The following UST variants were observed in gnomAD, a reference collection of about 807,000 sequenced individuals.
UST encodes chondroitin sulfate 2-O-sulfotransferase.
Under a neutral mutation model 45.6 loss-of-function variants are expected in UST, and 21 were observed. The ratio of observed to expected loss-of-function variants is 0.46; its 90% confidence interval spans 0.33 to 0.66. The LOEUF is 0.66. Ranked by LOEUF, UST falls within the 30% of genes least tolerant of loss-of-function variation. UST has a pLI of 0.02. For synonymous variants in UST, 215 were observed against 200.6 expected, an observed-to-expected ratio of 1.07 and a Z score of -0.61; for missense variants, 463 against 512.4, an observed-to-expected ratio of 0.90 and a Z score of 0.93.
chr6:149,039,433 T>G (rs1228723988), intron 7 of UST, among the ~76,000 whole-genome samples: 3 of 151,720 alleles, frequency 2.0e-5, no homozygotes, highest in Non-Finnish European at 2.9e-5. Context: ...TCCATGTTGG[T>G]CAGGCTGGTC....
At chr6:148,901,229 C>T (rs1337865326) in intron 2 of UST, among the ~76,000 whole-genome samples, 2 of 152,164 alleles carry the variant, frequency 1.3e-5, no homozygotes, top group African/African-American at 4.8e-5. Context: ...TGAAATACTG[C>T]ATTTCTGAAA....
chr6:149,051,675 G>A lies in UST; in HGVS notation c.938-22158G>A, dbSNP rs768697004. Among the ~76,000 whole-genome samples, 39 of 152,312 alleles carry A rather than the reference G, an allele frequency of 2.6e-4. 1 individual carries two copies. The highest frequency in any genetic ancestry group is 3.9e-4 in the Admixed American group (6 of 15,292). ...CTCAGCAGGCTATGGTTTCCCCTTT[G>A]TATCTCCACTTTGTATCTGACTGCA... On this transcript the variant is annotated intron_variant, in intron 7 of 7. Transcript: ENST00000367463.
At chr6:148,786,025 G>A (rs1230723872) in intron 1 of UST, among the ~76,000 whole-genome samples, 1 of 151,340 alleles carries the variant, frequency 6.6e-6, no homozygotes, top group East Asian at 1.9e-4. Context: ...TTTTTAAATA[G>A]TATATAGTGC....
chr6:148,908,342 T>C (rs967315009), intron 2 of UST, among the ~76,000 whole-genome samples: 1 of 152,218 alleles, frequency 6.6e-6, no homozygotes, highest in South Asian at 2.1e-4. Context: ...TTTAGAATAA[T>C]AATGTTTCAT....
intron 5 of UST, among the ~76,000 whole-genome samples, chr6:149,009,843 A>G (rs1323982521): frequency 1.3e-5 from 2 of 151,244 alleles, no homozygotes; most frequent in Non-Finnish European, 2.9e-5. Context: ...TGACATGTAC[A>G]TATTACTTTG....
In UST at chr6:148,908,280, T is replaced by A. The variant is rs187418191; in HGVS notation, c.291+21251T>A. 3.1e-4 allele frequency among the ~76,000 whole-genome samples: 47 copies of A among 152,308 alleles called. 1 individual carries two copies. The highest frequency in any genetic ancestry group is 3.0e-3 in the Admixed American group (46 of 15,290). ...AAATAGGCTCTCATTACTAATTATT[T>A]TGAGTAGGTATATATAGTATATTTT... On this transcript the variant is annotated intron_variant, in intron 2 of 7. Coordinates refer to ENST00000367463, the MANE Select transcript of UST (RefSeq NM_005715.3).
chr6:148,773,989 TGAC>T (rs1460675764), intron 1 of UST, among the ~76,000 whole-genome samples: 2 of 152,208 alleles, frequency 1.3e-5, no homozygotes, highest in Non-Finnish European at 2.9e-5. Context: ...GAAGCTTATC[TGAC>T]TCTATGCTGG....
intron 7 of UST, among the ~76,000 whole-genome samples, chr6:149,031,328 A>AT (rs1485444906): frequency 1.3e-5 from 2 of 152,030 alleles, no homozygotes; most frequent in African/African-American, 4.8e-5. Context: ...AACACTTGTG[A>AT]TTTTTTTTAG....
chr6:148,857,383 A>G (rs1238335495), intron 1 of UST, among the ~76,000 whole-genome samples: 1 of 152,140 alleles, frequency 6.6e-6, no homozygotes, highest in East Asian at 1.9e-4. Context: ...CCTTTAAGGC[A>G]CAGCGAATGT....
intron 7 of UST, among the ~76,000 whole-genome samples, chr6:149,063,745 C>G (rs139047113): frequency 1.3e-5 from 2 of 152,122 alleles, no homozygotes; most frequent in African/African-American, 4.8e-5. Context: ...CCTCAAGAAG[C>G]CTGTACAGAG....
At chr6:148,872,197 T>A (rs1778571598) in intron 1 of UST, among the ~76,000 whole-genome samples, 1 of 152,196 alleles carries the variant, frequency 6.6e-6, no homozygotes, top group Admixed American at 6.5e-5. Context: ...ATGTTCTATA[T>A]GTTTGTTAAG....
intron 2 of UST, among the ~76,000 whole-genome samples, chr6:148,933,740 C>T (rs1341599758): frequency 6.6e-6 from 1 of 152,168 alleles, no homozygotes; most frequent in Non-Finnish European, 1.5e-5. Context: ...GTGAGAATCA[C>T]TGCCGAGTTC....
chr6:148,948,339 A>G (rs1008960030), intron 3 of UST, among the ~76,000 whole-genome samples: 2 of 152,244 alleles, frequency 1.3e-5, no homozygotes, highest in African/African-American at 4.8e-5. Context: ...CACAGAATTC[A>G]CTTATGAACC....
intron 7 of UST, 122 bp from the exon 8 acceptor site, chr6:149,073,711 C>T: frequency 8.9e-7 from 1 of 1,126,232 alleles, no homozygotes; most frequent in South Asian, 1.6e-5. Flanking sequence ...TCTTCTAATA[C>T]TTGGATATGC....
rs1779981539 is a variant in UST, at chr6:148,934,470, C to T, written c.292-6809C>T. ...ATAAATTTCAGTTAACCTACACATT[C>T]AGTTAACCAGCACACCTGTTCTCTA... On this transcript the variant is annotated intron_variant, in intron 2 of 7. Coordinates refer to ENST00000367463, the MANE Select transcript of UST (RefSeq NM_005715.3). The surrounding 1 kb of genome is among the most constrained non-coding windows in gnomAD (Gnocchi z 4.1). Among the ~76,000 whole-genome samples, 2 of 152,216 alleles carry T rather than the reference C, an allele frequency of 1.3e-5. 1 individual carries two copies. Among genetic ancestry groups the T allele is most frequent in the South Asian group, 4.1e-4 (2 of 4,830 alleles).
chr6:148,762,288 G>T (rs924535360), intron 1 of UST, among the ~76,000 whole-genome samples: 1 of 152,184 alleles, frequency 6.6e-6, no homozygotes, highest in East Asian at 1.9e-4. Context: ...ATGATGAATT[G>T]TTCAAATGTA....
chr6:148,886,099 A>T (rs1391654866), intron 1 of UST, among the ~76,000 whole-genome samples: 1 of 152,184 alleles, frequency 6.6e-6, no homozygotes, highest in Non-Finnish European at 1.5e-5. Flanking sequence ...TGCCTGCCTC[A>T]CACAGAAGCC....
intron 1 of UST, among the ~76,000 whole-genome samples, chr6:148,765,206 A>T (rs1393627147): frequency 6.6e-6 from 1 of 152,176 alleles, no homozygotes; most frequent in African/African-American, 2.4e-5. Flanking sequence ...TTTCAGCACC[A>T]CTTATTGAAT....
chr6:148,796,707 A>C (rs1286804274), intron 1 of UST, among the ~76,000 whole-genome samples: 1 of 150,894 alleles, frequency 6.6e-6, no homozygotes, highest in African/African-American at 2.4e-5. Flanking sequence ...GTTAGGCTTC[A>C]AGGTGAAGCC....
Sources: gnomAD v4.1 joint callset for allele counts (sites outside exome capture counted in the v4.1 genomes callset) on GRCh38, gnomAD v4.1.1 for gene constraint, Gnocchi (gnomAD v3.1) non-coding constraint, MANE v1.5 for transcripts, NCBI Gene and HGNC (gene_info 2026-07-23, HGNC 2026-07-21) for gene names.